Variants in CACNA2D3 observed in about 807,000 individuals in gnomAD.
CACNA2D3 encodes the protein voltage-dependent calcium channel subunit alpha-2/delta-3.
A neutral mutation model predicts 160.6 loss-of-function variants in CACNA2D3; 60 were observed. The ratio of observed to expected loss-of-function variants is 0.37; its 90% CI spans 0.30 to 0.46. The LOEUF is 0.46. CACNA2D3 is among the 20% of genes least tolerant of loss of function. The pLI is 1.00. For synonymous variants in CACNA2D3, 558 were observed against 492.9 expected, an observed-to-expected ratio of 1.13 and a Z score of -1.75; for missense variants, 1,205 against 1,365.0, an observed-to-expected ratio of 0.88 and a Z score of 1.85.
chr3:54,645,340 C>G (rs1375299293), intron 11 of CACNA2D3, among the ~76,000 whole-genome samples: 2 of 152,188 alleles, frequency 1.3e-5, no homozygotes, highest in African/African-American at 4.8e-5. Flanking sequence ...GATTACAATT[C>G]AAGATGAGAT....
chr3:54,755,985 T>C (rs1213651102), intron 12 of CACNA2D3, among the ~76,000 whole-genome samples: 1 of 152,192 alleles, frequency 6.6e-6, no homozygotes, highest in Non-Finnish European at 1.5e-5. Flanking sequence ...TACACCATAA[T>C]TTAGTTTTAG....
In CACNA2D3 at chr3:54,995,482, C is replaced by A. The variant is rs55827726; in HGVS notation, c.2690+7729C>A. On this transcript the variant is annotated intron_variant, in intron 31 of 37. Coordinates refer to ENST00000474759, the MANE Select transcript of CACNA2D3 (RefSeq NM_018398.3). ...CACAACTTTTTCTTCTACCTTTCTC[C>A]AAGATGGCTTTTAAGTTCAAGGTTA... is the stretch of plus-strand genomic sequence containing the variant. Among the ~76,000 whole-genome samples the A allele has an allele frequency of 8.0e-3, 1,225 of 152,268 alleles. 18 individuals carry two copies. Among genetic ancestry groups the A allele is most frequent in the African/African-American group, 0.028 (1,175 of 41,542 alleles).
intron 2 of CACNA2D3, among the ~76,000 whole-genome samples, chr3:54,134,733 G>C (rs1306911094): frequency 6.6e-6 from 1 of 152,240 alleles, no homozygotes; most frequent in Non-Finnish European, 1.5e-5. Flanking sequence ...GAACAAGCCG[G>C]TCCTCAGTTC....
At chr3:54,498,074 G>T (rs1430031890) in intron 4 of CACNA2D3, among the ~76,000 whole-genome samples, 1 of 150,326 alleles carries the variant, frequency 6.7e-6, no homozygotes, top group Non-Finnish European at 1.5e-5. Context: ...CTTGTTTGGT[G>T]TCAAGGTTAG....
chr3:54,312,063 T>C (rs1261960510), intron 2 of CACNA2D3, among the ~76,000 whole-genome samples: 2 of 152,128 alleles, frequency 1.3e-5, no homozygotes, highest in Non-Finnish European at 2.9e-5. Flanking sequence ...TATCCCAGTG[T>C]CAGGGTTATT....
At chr3:54,674,473 C>T (rs72870676) in intron 11 of CACNA2D3, among the ~76,000 whole-genome samples, 25,088 of 152,034 alleles carry the variant, frequency 0.17, 2,345 homozygotes, top group Non-Finnish European at 0.21. Flanking sequence ...GAAGGATGAC[C>T]GGCAGTGGGG....
At chr3:54,968,586 C>A in intron 28 of CACNA2D3, 75 bp downstream of exon 28, 2 of 1,017,552 alleles carry the variant, frequency 2.0e-6, no homozygotes, top group Non-Finnish European at 3.0e-6. Context: ...GTACCTGGAG[C>A]CTGAAAGTGC....
intron 5 of CACNA2D3, among the ~76,000 whole-genome samples, chr3:54,523,164 GTTA>G (rs1372038250): frequency 6.6e-6 from 1 of 152,110 alleles, no homozygotes; most frequent in Non-Finnish European, 1.5e-5. Flanking sequence ...TAAGTGGGAT[GTTA>G]TTATTACTAT....
rs1396319351 is a variant in CACNA2D3, at chr3:54,122,679, C to G, written c.-35C>G. On this transcript the variant is annotated 5_prime_UTR_variant, in exon 1 of 38. Transcript: ENST00000474759. ...CGCAGCTCCCCGCGGCCGCTCTCGT[C>G]GCCGCCGCAGCGGGCGCGTCGGAGG... 9.3e-7 allele frequency: 1 copy of G among 1,073,542 alleles called. No homozygotes were observed. The highest frequency in any genetic ancestry group is 1.7e-5 in the African/African-American group (1 of 58,864). The allele number at this position is 1,073,542 out of a possible 1,614,324, so 66.5% of individuals were successfully genotyped here. A position where few individuals can be genotyped will look rare whatever the true frequency, so the allele number is the denominator to read the frequency against.
chr3:54,883,799 A>ATCTCTCTCTCTGTCTCTCTCTC (rs1553904143), intron 21 of CACNA2D3, among the ~76,000 whole-genome samples: 2 of 107,422 alleles, frequency 1.9e-5, no homozygotes, highest in Non-Finnish European at 3.7e-5. Context: ...TTACAATGGA[A>ATCTCTCTCTCTGTCTCTCTCTC]TCTCTCTCTC....
chr3:54,329,036 G>GTCTCACT lies in CACNA2D3; in HGVS notation c.321+8478_321+8479insTCTCACT, dbSNP rs556671517. Among the ~76,000 whole-genome samples the GTCTCACT allele has an allele frequency of 3.2e-3, 494 of 152,250 alleles. 5 individuals are homozygous for GTCTCACT. Among genetic ancestry groups the GTCTCACT allele is most frequent in the African/African-American group, 0.011 (459 of 41,534 alleles). Reference sequence around the variant, plus strand: ...TGGTGCAGCCCCTCTCACCGGGAAGGGGTCCTGTTCCCAGATGGCTCGTTG... The same window carrying GTCTCACT: ...TGGTGCAGCCCCTCTCACCGGGAAGGTCTCACTGGTCCTGTTCCCAGATGGCTCGTTG... On this transcript the variant is annotated intron_variant, in intron 3 of 37. Transcript: ENST00000474759.
chr3:54,924,288 G>A (rs1450421226), intron 27 of CACNA2D3, among the ~76,000 whole-genome samples: 2 of 152,206 alleles, frequency 1.3e-5, no homozygotes, highest in Non-Finnish European at 2.9e-5. Flanking sequence ...AGAGGTTGGT[G>A]TTATTTGGGG....
chr3:54,314,459 T>C (rs909235282), intron 2 of CACNA2D3, among the ~76,000 whole-genome samples: 1 of 152,228 alleles, frequency 6.6e-6, no homozygotes, highest in Non-Finnish European at 1.5e-5. Flanking sequence ...AGTTCCACTT[T>C]TAGTTTCTTA....
At chr3:54,313,442 A>G (rs372807942) in intron 2 of CACNA2D3, among the ~76,000 whole-genome samples, 2 of 152,060 alleles carry the variant, frequency 1.3e-5, no homozygotes. Flanking sequence ...AGACCTGATC[A>G]CTGATCCCTC....
At chr3:54,916,693 A>C (rs1020407407) in intron 27 of CACNA2D3, among the ~76,000 whole-genome samples, 2 of 152,154 alleles carry the variant, frequency 1.3e-5, no homozygotes, top group African/African-American at 4.8e-5. Context: ...TGAGACCTGC[A>C]CAGTAGGAAG....
rs185983286 is a variant in CACNA2D3 at position 54,276,888 on chromosome 3, C to T, written c.205-43554C>T. Reference sequence around the variant, plus strand: ...CCTTGATTGGGTTGCCCACTGATGACCAATGACGGATGACTGATGACTGTA... The same window carrying T: ...CCTTGATTGGGTTGCCCACTGATGATCAATGACGGATGACTGATGACTGTA... On this transcript the variant is annotated intron_variant, in intron 2 of 37. Transcript: ENST00000474759. 3.3e-5 allele frequency among the ~76,000 whole-genome samples: 5 copies of T among 152,368 alleles called. No individual in the cohort carries two copies. In the East Asian group the frequency reaches 9.6e-4, roughly 29 times the overall value.
At position 54,542,507 on chromosome 3, in the gene CACNA2D3, T is replaced by C. The variant is rs1701997660; in HGVS notation, c.545-20293T>C. On this transcript the variant is annotated intron_variant, in intron 5 of 37. Transcript: ENST00000474759. ...ACAAGTAGGGAAGCCAACAGTGCAG[T>C]CTTCAGTCTGTAGCCAAAGGCCCGA... Among the ~76,000 whole-genome samples the C allele has an allele frequency of 3.9e-5, 6 of 152,130 alleles. No individual in the cohort carries two copies. The South Asian group carries it at 1.2e-3, about 32-fold the overall frequency.
intron 4 of CACNA2D3, among the ~76,000 whole-genome samples, chr3:54,446,772 G>A (rs917299682): frequency 2.0e-5 from 3 of 152,052 alleles, no homozygotes; most frequent in Non-Finnish European, 2.9e-5. Flanking sequence ...GGCAGTGCAC[G>A]ATATCTGACA....
intron 8 of CACNA2D3, among the ~76,000 whole-genome samples, chr3:54,579,832 A>G (rs2106736433): frequency 6.6e-6 from 1 of 152,272 alleles, no homozygotes; most frequent in East Asian, 1.9e-4. Flanking sequence ...TCATACTCCC[A>G]TTTGTCAGTG....
Sources: gnomAD v4.1 joint callset for allele counts (sites outside exome capture counted in the v4.1 genomes callset) on GRCh38, gnomAD v4.1.1 for gene constraint, MANE v1.5 for transcripts, NCBI Gene and HGNC (gene_info 2026-07-23, HGNC 2026-07-21) for gene names.